The following TXNDC11 variants were observed in gnomAD, a reference collection of about 807,000 sequenced individuals.
The protein encoded by TXNDC11 is thioredoxin domain containing 11.
In TXNDC11, 68 loss-of-function variants were observed where a neutral mutation model predicts 78.0. That is an observed-to-expected ratio of 0.87 (90% CI 0.72 to 1.07). TXNDC11 has a LOEUF of 1.07. Ranked by LOEUF, TXNDC11 falls within the 50% of genes least tolerant of loss-of-function variation. The pLI, the probability that TXNDC11 is intolerant of heterozygous loss-of-function variation, is 0.00. For missense variants in TXNDC11, 1,389 were observed against 1,221.8 expected, an observed-to-expected ratio of 1.14 and a Z score of -2.04; for synonymous variants, 571 against 495.2, an observed-to-expected ratio of 1.15 and a Z score of -2.03.
intron 4 of TXNDC11, among the ~76,000 whole-genome samples, chr16:11,724,926 T>C (rs1387319093): frequency 2.0e-5 from 3 of 152,108 alleles, no homozygotes; most frequent in African/African-American, 7.2e-5. Context: ...TTTGTATTTT[T>C]AGTAGAGACG....
At chr16:11,704,017 G>A (rs1299093791) in intron 5 of TXNDC11, among the ~76,000 whole-genome samples, 4 of 152,252 alleles carry the variant, frequency 2.6e-5, no homozygotes, top group Non-Finnish European at 5.9e-5. Flanking sequence ...GCTTGAACCC[G>A]GGAGGTGCAG....
Position 11,730,693 on chromosome 16 carries a change from G to C in TXNDC11, c.651C>G (p.Leu217=). The C allele has an allele frequency of 1.2e-6, 2 of 1,613,804 alleles. No individual in the cohort carries two copies. Among genetic ancestry groups the C allele is most frequent in the Middle Eastern group, 1.6e-4 (1 of 6,062 alleles). The change falls in exon 4 of 12, where the codon CTC becomes CTG. Residue 217 remains leucine (L), a synonymous_variant. Coordinates refer to ENST00000283033, the MANE Select transcript of TXNDC11 (RefSeq NM_015914.7). The stretch of plus-strand genomic sequence containing the variant: ...GTAATTCTGATTGAGATGGGATGTA[G>C]AGAAGTGGTTTCATCACCCGGCGGA... ...KFVRRVMKPL[L]YIPSQSELLD...
intron 11 of TXNDC11, among the ~76,000 whole-genome samples, chr16:11,681,052 G>T (rs1276257297): frequency 6.6e-6 from 1 of 152,000 alleles, no homozygotes; most frequent in Non-Finnish European, 1.5e-5. Flanking sequence ...CACACCTGTA[G>T]ATCCAGCTAC....
At chr16:11,718,021 T>G (rs2051594231) in intron 5 of TXNDC11, among the ~76,000 whole-genome samples, 1 of 150,530 alleles carries the variant, frequency 6.6e-6, no homozygotes, top group Non-Finnish European at 1.5e-5. Context: ...ATTTCCTTTC[T>G]TTTAATGTGT....
At chr16:11,731,412 C>T (rs1041541069) in intron 3 of TXNDC11, among the ~76,000 whole-genome samples, 3 of 152,182 alleles carry the variant, frequency 2.0e-5, no homozygotes, top group African/African-American at 7.2e-5. Flanking sequence ...GATTCAGTGC[C>T]GCTAAGTGAT....
At chr16:11,714,112 G>A (rs1567328582) in intron 5 of TXNDC11, among the ~76,000 whole-genome samples, 1 of 151,828 alleles carries the variant, frequency 6.6e-6, no homozygotes, top group Non-Finnish European at 1.5e-5. Context: ...CATGATCTCA[G>A]CTCACTGCAG....
chr16:11,724,434 T>C (rs774884790), intron 4 of TXNDC11, among the ~76,000 whole-genome samples: 9 of 152,188 alleles, frequency 5.9e-5, no homozygotes, highest in Non-Finnish European at 8.8e-5. Context: ...TGCTCAGTCC[T>C]ATTCCCTTTC....
intron 5 of TXNDC11, among the ~76,000 whole-genome samples, chr16:11,719,699 G>A (rs2051645311): frequency 6.6e-6 from 1 of 152,126 alleles, no homozygotes; most frequent in African/African-American, 2.4e-5. Flanking sequence ...TATACAGAAA[G>A]AACACTAACA....
intron 5 of TXNDC11, among the ~76,000 whole-genome samples, chr16:11,720,969 T>A (rs117626712): frequency 6.6e-6 from 1 of 151,118 alleles, no homozygotes; most frequent in Non-Finnish European, 1.5e-5. Flanking sequence ...CTCAAACTCC[T>A]GGACTCAAGC....
At chr16:11,698,449 G>C in intron 6 of TXNDC11, 124 bp from the exon 7 acceptor site, 1 of 781,966 alleles carries the variant, frequency 1.3e-6, no homozygotes, top group Non-Finnish European at 2.1e-6. Context: ...AGCGGGGCCT[G>C]GCCCCACTGT....
At chr16:11,738,580 G>T (rs1310731821) in intron 1 of TXNDC11, among the ~76,000 whole-genome samples, 2 of 152,034 alleles carry the variant, frequency 1.3e-5, no homozygotes, top group East Asian at 3.9e-4. Context: ...TGGAGTGGTG[G>T]CTTGGGAGGT....
intron 5 of TXNDC11, among the ~76,000 whole-genome samples, chr16:11,703,426 T>A (rs1367032122): frequency 6.6e-6 from 1 of 152,058 alleles, no homozygotes. Context: ...TAAGAAGTTA[T>A]ATATTAATAA....
chr16:11,728,898 G>A (rs1032632127), intron 4 of TXNDC11, among the ~76,000 whole-genome samples: 17 of 152,000 alleles, frequency 1.1e-4, no homozygotes, highest in African/African-American at 3.9e-4. Context: ...CTACTTAGGA[G>A]GCTGAGGCAG....
At chr16:11,724,184 G>A (rs1248129319) in intron 4 of TXNDC11, among the ~76,000 whole-genome samples, 1 of 152,150 alleles carries the variant, frequency 6.6e-6, no homozygotes, top group African/African-American at 2.4e-5. Flanking sequence ...TTGGGAGGCT[G>A]AGGCAGGAGA....
At chr16:11,697,860 G>A (rs962205602) in intron 7 of TXNDC11, among the ~76,000 whole-genome samples, 9 of 152,194 alleles carry the variant, frequency 5.9e-5, no homozygotes, top group Admixed American at 2.0e-4. Context: ...AGAAGGGCAC[G>A]GTGTGGCTTC....
At position 11,679,307 on chromosome 16, in the gene TXNDC11, G is replaced by A. The variant is rs770899154; in HGVS notation, c.2765C>T (p.Pro922Leu). The A allele has an allele frequency of 4.3e-6, 7 of 1,612,666 alleles. No homozygotes were observed. Among genetic ancestry groups the A allele is most frequent in the African/African-American group, 1.3e-5 (1 of 74,882 alleles). ...ESLAAQREVHPKQPEPSATPQ... is the reference protein window; with the variant it reads ...ESLAAQREVHLKQPEPSATPQ... ...GGTGGCTGAGGGCTCAGGCTGCTTG[G>A]GGTGGACCTCTCTCTGGGCCGCCAG... The change falls in exon 12 of 12, where the codon CCC becomes CTC. Residue 922 changes from proline to leucine, a missense_variant. Physicochemically the swap from Pro to Leu is moderately conservative, Grantham distance 98. Transcript: ENST00000283033. This position sits in a 1 kb window ranked among gnomAD's most constrained non-coding sequence, Gnocchi z 4.6.
rs774251231 is a variant in TXNDC11 at position 11,679,309 on chromosome 16, G to A, written c.2763C>T (p.His921=). Residue 921 remains histidine, a synonymous_variant, in exon 12 of 12, where the codon CAC becomes CAT. Transcript: ENST00000283033. The surrounding 1 kb of genome is among the most constrained non-coding windows in gnomAD (Gnocchi z 4.6). ...TGGCTGAGGGCTCAGGCTGCTTGGG[G>A]TGGACCTCTCTCTGGGCCGCCAGGC... ...AESLAAQREV[H]PKQPEPSATP... is the part of the protein sequence containing the mutation. 2 of 1,612,678 alleles carry A rather than the reference G, an allele frequency of 1.2e-6. No homozygotes were observed. Among genetic ancestry groups the A allele is most frequent in the Non-Finnish European group, 1.7e-6 (2 of 1,179,840 alleles).
At chr16:11,685,435 G>A (rs1346317083) in intron 10 of TXNDC11, among the ~76,000 whole-genome samples, 5 of 152,054 alleles carry the variant, frequency 3.3e-5, no homozygotes, top group Non-Finnish European at 7.4e-5. Context: ...CACGAGGTCA[G>A]GTGATCGAGA....
intron 5 of TXNDC11, among the ~76,000 whole-genome samples, chr16:11,720,082 G>A (rs576453160): frequency 1.3e-5 from 2 of 152,302 alleles, no homozygotes; most frequent in South Asian, 4.1e-4. Context: ...GGAGACAAGC[G>A]AGCAGATGAG....
Sources: gnomAD v4.1 joint callset for allele counts (sites outside exome capture counted in the v4.1 genomes callset) on GRCh38, gnomAD v4.1.1 for gene constraint, Gnocchi (gnomAD v3.1) non-coding constraint, MANE v1.5 for transcripts, NCBI Gene and HGNC (gene_info 2026-07-23, HGNC 2026-07-21) for gene names.